The following CFAP61 variants were observed in gnomAD, a reference collection of about 807,000 sequenced individuals.
CFAP61 encodes cilia- and flagella-associated protein 61.
CFAP61 carries 107 observed loss-of-function variants against 135.6 expected under a neutral mutation model. That is an observed-to-expected ratio of 0.79 (90% CI 0.67 to 0.93). The LOEUF (loss-of-function observed/expected upper bound fraction) is 0.93. Among genes scored for constraint, CFAP61 ranks in the 40% least tolerant of loss-of-function variants. The pLI, the probability that CFAP61 is intolerant of heterozygous loss-of-function variation, is 0.00. For synonymous variants in CFAP61, 575 were observed against 578.5 expected (o/e 0.99, Z 0.09); for missense variants, 1,507 against 1,556.2 (o/e 0.97, Z 0.53).
rs570056482 is a variant in CFAP61 at position 20,056,792 on chromosome 20, C to G, written c.139C>G (p.Leu47Val). ...GTTTGGGAAGCTAAATATCATCTAT[C>G]TTCTGTAAGTAGATAACTAAGTTCA... ...KLFGKLNIIY[L>V]LEKANLAVTL... Residue 47 changes from leucine (L) to valine (V), a missense_variant, in exon 2 of 27, where the codon CTT becomes GTT. Transcript: ENST00000245957. 7.4e-6 allele frequency: 12 copies of G among 1,613,918 alleles called. 1 individual carries two copies. The South Asian group carries it at 1.1e-4, about 15-fold the overall frequency.
intron 20 of CFAP61, among the ~76,000 whole-genome samples, chr20:20,260,463 AT>A (rs2052069597): frequency 6.6e-6 from 1 of 152,266 alleles, no homozygotes; most frequent in Non-Finnish European, 1.5e-5. Context: ...TGGCTTTGGA[AT>A]TTATAATTCT....
chr20:20,246,171 A>G lies in CFAP61; in HGVS notation c.2115A>G (p.Gly705=), dbSNP rs1307608964. 6.2e-7 allele frequency: 1 copy of G among 1,613,450 alleles called. No individual in the cohort carries two copies. The highest frequency in any genetic ancestry group is 8.5e-7 in the Non-Finnish European group (1 of 1,179,482). ...LTLISTHGLP[G]KKLLDTEQRK... Reference sequence around the variant, plus strand: ...TGATTTCAACTCATGGACTCCCAGGAAAAAAACTTCTGGACACTGAACAAA... The same window carrying G: ...TGATTTCAACTCATGGACTCCCAGGGAAAAAACTTCTGGACACTGAACAAA... Residue 705 remains glycine (G), a synonymous_variant, in exon 19 of 27, where the codon GGA becomes GGG. Coordinates refer to ENST00000245957, the MANE Select transcript of CFAP61 (RefSeq NM_015585.4).
At chr20:20,229,761 G>A (rs1409098961) in intron 18 of CFAP61, among the ~76,000 whole-genome samples, 10 of 152,206 alleles carry the variant, frequency 6.6e-5, no homozygotes, top group Non-Finnish European at 1.5e-4. Flanking sequence ...TAGGTAACTA[G>A]AAATAAATTA....
chr20:20,189,850 G>A (rs1175886301), intron 14 of CFAP61, among the ~76,000 whole-genome samples: 3 of 151,992 alleles, frequency 2.0e-5, no homozygotes, highest in African/African-American at 7.2e-5. Context: ...GCTGGAGTGC[G>A]ATGGCGCGAC....
At chr20:20,300,980 TA>T (rs2056048021) in intron 25 of CFAP61, among the ~76,000 whole-genome samples, 1 of 152,098 alleles carries the variant, frequency 6.6e-6, no homozygotes. Context: ...GATTATAAAG[TA>T]AAAAGAGTAA....
intron 21 of CFAP61, among the ~76,000 whole-genome samples, chr20:20,264,469 C>T (rs1342300612): frequency 3.3e-5 from 5 of 152,158 alleles, no homozygotes; most frequent in African/African-American, 1.2e-4. Context: ...TACTTTCATC[C>T]AAGCTTGGAA....
chr20:20,139,969 A>G (rs1274257117), intron 8 of CFAP61, among the ~76,000 whole-genome samples: 1 of 152,126 alleles, frequency 6.6e-6, no homozygotes, highest in Non-Finnish European at 1.5e-5. Flanking sequence ...TATCTTTGTA[A>G]TACATTAAAA....
At chr20:20,200,724 TA>T in intron 17 of CFAP61, 2 of 985,292 alleles carry the variant, frequency 2.0e-6, no homozygotes, top group South Asian at 9.4e-5. Flanking sequence ...TCCAAACACT[TA>T]CCCAAGGAGC....
At chr20:20,268,118 C>A (rs2052943365) in intron 21 of CFAP61, among the ~76,000 whole-genome samples, 1 of 152,196 alleles carries the variant, frequency 6.6e-6, no homozygotes, top group South Asian at 2.1e-4. Flanking sequence ...GGAATGTGGA[C>A]AGTTTTCATC....
rs1202369915 is a variant in CFAP61 at position 20,137,129 on chromosome 20, G to T, written c.860-5728G>T. 2.0e-5 allele frequency among the ~76,000 whole-genome samples: 3 copies of T among 152,138 alleles called. No homozygotes were observed. The South Asian group carries it at 6.2e-4, about 32-fold the overall frequency. Reference sequence around the variant, plus strand: ...CAAATGAAGTCTCTCTCTCTGTGTTGAGCCACCTGAAGCTGGGGGAGGGGT... The same window carrying T: ...CAAATGAAGTCTCTCTCTCTGTGTTTAGCCACCTGAAGCTGGGGGAGGGGT... On this transcript the variant is annotated intron_variant, in intron 8 of 26. Coordinates refer to ENST00000245957, the MANE Select transcript of CFAP61 (RefSeq NM_015585.4).
rs1013342482 is a variant in CFAP61, at chr20:20,360,653, C to T, written c.*243C>T. 16 of 524,462 alleles carry T rather than the reference C, an allele frequency of 3.1e-5. No homozygotes were observed. The highest frequency in any genetic ancestry group is 3.4e-5 in the Non-Finnish European group (10 of 297,988). The allele number at this position is 524,462 out of a possible 1,614,324, so 32.5% of individuals were successfully genotyped here. ...TACAAATCCCAGGCATGTTCCTGTG[C>T]AGAATAATCCATTTCAGCAATAAAA... On this transcript the variant is annotated 3_prime_UTR_variant, in exon 27 of 27. Transcript: ENST00000245957.
chr20:20,321,319 A>G (rs913609603), intron 25 of CFAP61, among the ~76,000 whole-genome samples: 2 of 152,200 alleles, frequency 1.3e-5, no homozygotes, highest in African/African-American at 4.8e-5. Context: ...GCTAGCAATG[A>G]CACAACATGG....
chr20:20,111,450 C>A (rs770304574), intron 8 of CFAP61, among the ~76,000 whole-genome samples: 2 of 152,200 alleles, frequency 1.3e-5, no homozygotes, highest in Non-Finnish European at 2.9e-5. Context: ...AGGCTGGGAA[C>A]CCTGAATGCA....
chr20:20,227,846 G>T (rs1026019558), intron 17 of CFAP61, among the ~76,000 whole-genome samples: 7 of 152,182 alleles, frequency 4.6e-5, no homozygotes, highest in African/African-American at 1.4e-4. Context: ...GTCACTCAAG[G>T]TTTCAGGGAA....
intron 25 of CFAP61, among the ~76,000 whole-genome samples, chr20:20,302,377 A>C (rs1437567479): frequency 6.6e-6 from 1 of 152,130 alleles, no homozygotes; most frequent in Non-Finnish European, 1.5e-5. Context: ...TAATAAAAAG[A>C]TTGGCTGGGT....
chr20:20,105,181 C>T (rs1392437159), intron 8 of CFAP61, among the ~76,000 whole-genome samples: 2 of 152,114 alleles, frequency 1.3e-5, no homozygotes, highest in Non-Finnish European at 2.9e-5. Flanking sequence ...ATGTAAGCCG[C>T]ACCCACCCAA....
chr20:20,059,378 A>T (rs1241173835), intron 2 of CFAP61, among the ~76,000 whole-genome samples: 1 of 139,110 alleles, frequency 7.2e-6, no homozygotes, highest in Non-Finnish European at 1.5e-5. Context: ...AAAATCTGGG[A>T]TGCTGAGGTG....
chr20:20,257,506 T>C (rs1175380370), intron 20 of CFAP61, among the ~76,000 whole-genome samples: 1 of 151,534 alleles, frequency 6.6e-6, no homozygotes, highest in African/African-American at 2.4e-5. Flanking sequence ...TCCCAGCTAC[T>C]TGGAAGGCTG....
In CFAP61 at chr20:20,355,200, G is replaced by A. The variant is rs551828262; in HGVS notation, c.3514-5010G>A. ...GAGAAGGTCACACTAAGGGGAGGTA[G>A]TCACACTGTGAGGGGAGGTGATCAC... is the stretch of plus-strand genomic sequence containing the variant. On this transcript the variant is annotated intron_variant, in intron 26 of 26. Coordinates refer to ENST00000245957, the MANE Select transcript of CFAP61 (RefSeq NM_015585.4). 9.1e-3 allele frequency among the ~76,000 whole-genome samples: 1,235 copies of A among 135,262 alleles called. 2 individuals are homozygous for A. Among genetic ancestry groups the A allele is most frequent in the Non-Finnish European group, 0.013 (816 of 64,010 alleles). 88.7% of individuals were successfully genotyped at this position (135,262 alleles called of 152,430 possible).
Sources: gnomAD v4.1 joint callset for allele counts (sites outside exome capture counted in the v4.1 genomes callset) on GRCh38, gnomAD v4.1.1 for gene constraint, MANE v1.5 for transcripts, NCBI Gene and HGNC (gene_info 2026-07-23, HGNC 2026-07-21) for gene names.